CD46: variants seen among roughly 807,000 people sequenced by gnomAD.
CD46 encodes CD46 molecule, also known as membrane cofactor protein.
Under a neutral mutation model 53.3 loss-of-function variants are expected in CD46, and 30 were observed. The ratio of observed to expected loss-of-function variants is 0.56; its 90% CI spans 0.42 to 0.76. The LOEUF (loss-of-function observed/expected upper bound fraction) is 0.76, where lower values mean the gene tolerates loss of function less well. CD46 is among the 30% of genes least tolerant of loss of function. The probability of loss-of-function intolerance (pLI) is 0.00; values close to 1 mark genes in which losing one functional copy is unlikely to be tolerated. For missense variants in CD46, 409 were observed against 463.0 expected (o/e 0.88, Z 1.07); for synonymous variants, 142 against 152.0 (o/e 0.93, Z 0.48).
chr1:207,772,120 C>T (rs1657574735), intron 8 of CD46, among the ~76,000 whole-genome samples: 1 of 152,094 alleles, frequency 6.6e-6, no homozygotes, highest in African/African-American at 2.4e-5. Context: ...CACATCCATC[C>T]CTTGTAAGTT....
intron 4 of CD46, chr1:207,760,644 A>T (rs1183316359): frequency 6.6e-6 from 1 of 152,558 alleles, no homozygotes; most frequent in African/African-American, 2.4e-5. Context: ...TGGGTAATTT[A>T]TAAAGAAAAG....
intron 8 of CD46, among the ~76,000 whole-genome samples, chr1:207,779,629 T>C (rs1658497755): frequency 6.6e-6 from 1 of 152,156 alleles, no homozygotes; most frequent in South Asian, 2.1e-4. Context: ...TATGCTGAAA[T>C]TGTATGAAGA....
chr1:207,788,539 A>T (rs927334265), intron 11 of CD46, among the ~76,000 whole-genome samples: 1 of 151,894 alleles, frequency 6.6e-6, no homozygotes, highest in Non-Finnish European at 1.5e-5. Flanking sequence ...ACACAAAAAA[A>T]CCCCAAAGAT....
chr1:207,758,125 G>A (rs567623092), intron 3 of CD46, among the ~76,000 whole-genome samples: 1 of 152,318 alleles, frequency 6.6e-6, no homozygotes, highest in Admixed American at 6.5e-5. Context: ...CTGCTACAGT[G>A]TGAAGCATCT....
intron 11 of CD46, among the ~76,000 whole-genome samples, chr1:207,788,722 A>G (rs1221918663): frequency 6.6e-6 from 1 of 152,226 alleles, no homozygotes; most frequent in Non-Finnish European, 1.5e-5. Flanking sequence ...TTGTTGTTAA[A>G]GCCTGGCACA....
At chr1:207,759,801 T>C in intron 4 of CD46, 77 bp downstream of exon 4, 1 of 768,536 alleles carries the variant, frequency 1.3e-6, no homozygotes, top group Non-Finnish European at 2.3e-6. Context: ...CTTTACACTT[T>C]AAGATTAACA....
chr1:207,752,766 A>C lies in CD46; in HGVS notation c.97+457A>C, dbSNP rs1251939391. Among the ~76,000 whole-genome samples the C allele has an allele frequency of 6.6e-6, 1 of 151,958 alleles. No homozygotes were observed. The highest frequency in any genetic ancestry group is 1.5e-5 in the Non-Finnish European group (1 of 67,974). ...TTAGGGCTTGGACAGTACCCGCGGT[A>C]AGGGTTGCAGTGCGTCTGCTGTGCC... On this transcript the variant is annotated intron_variant, in intron 1 of 12. Coordinates refer to ENST00000367042, the MANE Select transcript of CD46 (RefSeq NM_172351.3). This position sits in a 1 kb window ranked among gnomAD's most constrained non-coding sequence, Gnocchi z 4.1.
In CD46 at chr1:207,752,277, C is replaced by T; in HGVS notation, c.65C>T (p.Ala22Val). The T allele has an allele frequency of 1.2e-6, 2 of 1,614,108 alleles. No individual in the cohort carries two copies. The highest frequency in any genetic ancestry group is 2.7e-5 in the African/African-American group (2 of 75,050). ...PSWRFPGLLL[A>V]AMVLLLYSFS... ...TGGCGCTTTCCTGGGTTGCTTCTGG[C>T]GGCCATGGTGTTGCTGCTGTACTCC... The change falls in exon 1 of 13, where the codon GCG (alanine) becomes GTG (valine). Residue 22 changes from alanine to valine, a missense_variant. By Grantham distance (64) the Ala-to-Val change is moderately conservative (BLOSUM62 0). Transcript: ENST00000367042. The surrounding 1 kb of genome is among the most constrained non-coding windows in gnomAD (Gnocchi z 4.1).
chr1:207,773,425 G>C (rs1657739886), intron 8 of CD46, among the ~76,000 whole-genome samples: 1 of 151,904 alleles, frequency 6.6e-6, no homozygotes, highest in South Asian at 2.1e-4. Context: ...GTTATTTCTT[G>C]CCTTCTGCTA....
intron 9 of CD46, among the ~76,000 whole-genome samples, chr1:207,784,562 A>C (rs1659092346): frequency 6.6e-6 from 1 of 152,204 alleles, no homozygotes; most frequent in Admixed American, 6.5e-5. Context: ...AATGACCTGG[A>C]TGCCCTAGCA....
Position 207,757,046 on chromosome 1 carries a change from A to G in CD46, c.130A>G (p.Met44Val). The G allele has an allele frequency of 6.2e-7, 1 of 1,614,056 alleles. No homozygotes were observed. The highest frequency in any genetic ancestry group is 8.5e-7 in the Non-Finnish European group (1 of 1,179,916). Residue 44 changes from methionine (M) to valine (V), a missense_variant, in exon 2 of 13, where the codon ATG becomes GTG. Physicochemically the swap from Met to Val is conservative, Grantham distance 21. Coordinates refer to ENST00000367042, the MANE Select transcript of CD46 (RefSeq NM_172351.3). ...ACEEPPTFEA[M>V]ELIGKPKPYY... ...TGAGGAGCCACCAACATTTGAAGCT[A>G]TGGAGCTCATTGGTAAACCAAAACC...
At position 207,794,688 on chromosome 1, in the gene CD46, C is replaced by T. The variant is rs1248620643; in HGVS notation, c.*1211C>T. 2.0e-5 allele frequency: 3 copies of T among 152,126 alleles called. No individual in the cohort carries two copies. The highest frequency in any genetic ancestry group is 2.9e-5 in the Non-Finnish European group (2 of 68,034). The allele number at this position is 152,126 out of a possible 1,614,324, so 9.4% of individuals were successfully genotyped here. A position where few individuals can be genotyped will look rare whatever the true frequency, so the allele number is the denominator to read the frequency against. On this transcript the variant is annotated 3_prime_UTR_variant, in exon 13 of 13. Coordinates refer to ENST00000367042, the MANE Select transcript of CD46 (RefSeq NM_172351.3). ...TTTTGTCTATTTGCTGTTGATTGTACCAAGGGATGGAAGAAGTAAATATAG... is the reference window on the plus strand; with the variant it reads ...TTTTGTCTATTTGCTGTTGATTGTATCAAGGGATGGAAGAAGTAAATATAG...
chr1:207,793,571 C>T lies in CD46; in HGVS notation c.*94C>T, dbSNP rs755366474. On this transcript the variant is annotated 3_prime_UTR_variant, in exon 13 of 13. Coordinates refer to ENST00000367042, the MANE Select transcript of CD46 (RefSeq NM_172351.3). ...CACTTACCAGACTAAATCAACCACT[C>T]CAGCAGAGCAGAGAGGCTGAATAGA... is the stretch of plus-strand genomic sequence containing the variant. 8.1e-6 allele frequency: 13 copies of T among 1,613,842 alleles called. No homozygotes were observed. The highest frequency in any genetic ancestry group is 1.6e-4 in the Middle Eastern group (1 of 6,084).
At chr1:207,782,057 A>G (rs577349117) in intron 8 of CD46, among the ~76,000 whole-genome samples, 1 of 152,296 alleles carries the variant, frequency 6.6e-6, no homozygotes, top group Non-Finnish European at 1.5e-5. Flanking sequence ...CAATCCATAA[A>G]CACAAGTGTC....
intron 7 of CD46, chr1:207,768,441 CAG>C (rs1169481634): frequency 3.3e-5 from 5 of 152,632 alleles, no homozygotes; most frequent in South Asian, 2.1e-4. Context: ...AACATTTAAA[CAG>C]GGAAATTTCT....
At chr1:207,791,135 C>G (rs1013229574) in intron 12 of CD46, among the ~76,000 whole-genome samples, 1 of 152,162 alleles carries the variant, frequency 6.6e-6, no homozygotes, top group African/African-American at 2.4e-5. Context: ...ACAAAACATA[C>G]CAACCAGAAT....
chr1:207,789,223 G>A (rs1297198256), intron 11 of CD46, among the ~76,000 whole-genome samples: 1 of 152,082 alleles, frequency 6.6e-6, no homozygotes, highest in African/African-American at 2.4e-5. Flanking sequence ...GTTAGTGAAA[G>A]TTATTTACAT....
intron 11 of CD46, among the ~76,000 whole-genome samples, chr1:207,786,805 G>A (rs1409149188): frequency 6.6e-6 from 1 of 152,030 alleles, no homozygotes; most frequent in East Asian, 1.9e-4. Flanking sequence ...TTGTATTAAT[G>A]GAACACGATA....
intron 8 of CD46, among the ~76,000 whole-genome samples, chr1:207,773,905 G>A (rs1463757453): frequency 2.0e-5 from 3 of 152,112 alleles, no homozygotes; most frequent in Non-Finnish European, 4.4e-5. Context: ...AGGTCTGCTT[G>A]GTCCAGAGCT....
Sources: gnomAD v4.1 joint callset for allele counts (sites outside exome capture counted in the v4.1 genomes callset) on GRCh38, gnomAD v4.1.1 for gene constraint, Gnocchi (gnomAD v3.1) non-coding constraint, MANE v1.5 for transcripts, NCBI Gene and HGNC (gene_info 2026-07-23, HGNC 2026-07-21) for gene names.